FER: variants seen among roughly 807,000 people sequenced by gnomAD.
The protein encoded by FER is FER tyrosine kinase.
In FER, 63 loss-of-function variants were observed where a neutral mutation model predicts 111.0. That is an observed-to-expected ratio of 0.57 (90% CI 0.46 to 0.70). FER has a LOEUF of 0.70. Ranked by LOEUF, FER falls within the 30% of genes least tolerant of loss-of-function variation. The probability of loss-of-function intolerance (pLI) is 0.00; values close to 1 mark genes in which losing one functional copy is unlikely to be tolerated. For synonymous variants in FER, 327 were observed against 313.9 expected (o/e 1.04, Z -0.44); for missense variants, 914 against 954.0 (o/e 0.96, Z 0.55).
At position 109,073,441 on chromosome 5, in the gene FER, G is replaced by A. The variant is rs976809574; in HGVS notation, c.1924+26243G>A. Among the ~76,000 whole-genome samples, 3 of 152,218 alleles carry A rather than the reference G, an allele frequency of 2.0e-5. No homozygotes were observed. In the South Asian group the frequency reaches 6.2e-4, roughly 32 times the overall value. On this transcript the variant is annotated intron_variant, in intron 16 of 19. Coordinates refer to ENST00000281092, the MANE Select transcript of FER (RefSeq NM_005246.4). Reference sequence around the variant, plus strand: ...TATTTAAGGATAATATGAGCTCTGAGGCTAGTGTTAGGCTGTGAATCATTT... The same window carrying A: ...TATTTAAGGATAATATGAGCTCTGAAGCTAGTGTTAGGCTGTGAATCATTT...
At chr5:108,770,335 A>G (rs929574505) in intron 2 of FER, among the ~76,000 whole-genome samples, 3 of 152,194 alleles carry the variant, frequency 2.0e-5, no homozygotes, top group Non-Finnish European at 4.4e-5. Context: ...ATACTTTTAT[A>G]CTGAGTTTTA....
At chr5:108,788,198 G>A (rs185308880) in intron 2 of FER, among the ~76,000 whole-genome samples, 3 of 152,294 alleles carry the variant, frequency 2.0e-5, no homozygotes, top group East Asian at 3.9e-4. Flanking sequence ...CTGAAGCTAC[G>A]TGTTGTATGT....
intron 2 of FER, among the ~76,000 whole-genome samples, chr5:108,783,050 T>A (rs1580495810): frequency 1.3e-5 from 2 of 152,360 alleles, no homozygotes; most frequent in Middle Eastern, 3.4e-3. Flanking sequence ...CTTTGAATTA[T>A]CTTTCAGTCT....
intron 10 of FER, among the ~76,000 whole-genome samples, chr5:108,926,989 T>C (rs894770715): frequency 6.6e-6 from 1 of 152,150 alleles, no homozygotes; most frequent in African/African-American, 2.4e-5. Context: ...GACATAGTTT[T>C]CTGGTAAGCC....
intron 16 of FER, among the ~76,000 whole-genome samples, chr5:109,070,587 G>C (rs899784605): frequency 6.6e-6 from 1 of 151,644 alleles, no homozygotes; most frequent in Non-Finnish European, 1.5e-5. Context: ...TGCATTGAGA[G>C]GTTAAGTGAA....
intron 15 of FER, among the ~76,000 whole-genome samples, chr5:109,046,346 A>AT (rs1036740342): frequency 1.3e-5 from 2 of 149,828 alleles, no homozygotes; most frequent in Non-Finnish European, 3.0e-5. Flanking sequence ...TGTGTTAAAA[A>AT]ATATATATAT....
intron 5 of FER, among the ~76,000 whole-genome samples, chr5:108,850,887 A>G (rs1306014915): frequency 6.6e-6 from 1 of 152,192 alleles, no homozygotes; most frequent in Non-Finnish European, 1.5e-5. Flanking sequence ...TTGAAACCAA[A>G]TCTGTCTGAT....
intron 17 of FER, among the ~76,000 whole-genome samples, chr5:109,117,444 A>G (rs920498087): frequency 2.0e-5 from 3 of 152,172 alleles, no homozygotes; most frequent in Non-Finnish European, 4.4e-5. Context: ...ATAAACTCAT[A>G]TCATTCTTAT....
At chr5:108,822,717 T>A (rs1182654978) in intron 3 of FER, among the ~76,000 whole-genome samples, 121 of 115,700 alleles carry the variant, frequency 1.0e-3, no homozygotes, top group Middle Eastern at 4.4e-3. Flanking sequence ...TTATTTATTT[T>A]ATTTTATTTT....
At chr5:108,764,652 C>T (rs1752118486) in intron 1 of FER, among the ~76,000 whole-genome samples, 1 of 152,192 alleles carries the variant, frequency 6.6e-6, no homozygotes, top group South Asian at 2.1e-4. Context: ...CCACCTTGAC[C>T]TCCCAAAGTG....
intron 11 of FER, among the ~76,000 whole-genome samples, chr5:108,950,953 G>A (rs942442075): frequency 1.0e-4 from 15 of 148,856 alleles, no homozygotes; most frequent in Admixed American, 6.0e-4. Context: ...AAAATAAAAG[G>A]GGTCCTATGG....
chr5:109,029,565 GT>G (rs1226988357), intron 13 of FER, among the ~76,000 whole-genome samples: 7 of 149,784 alleles, frequency 4.7e-5, no homozygotes, highest in Non-Finnish European at 8.9e-5. Flanking sequence ...GCCCAGCCTT[GT>G]TTTCCATTCA....
At chr5:108,849,871 G>A (rs1448815512) in intron 5 of FER, among the ~76,000 whole-genome samples, 1 of 152,082 alleles carries the variant, frequency 6.6e-6, no homozygotes, top group Non-Finnish European at 1.5e-5. Context: ...ATAAAATTTT[G>A]TTTGTGAAAT....
chr5:109,038,185 A>G (rs1770660862), intron 14 of FER, among the ~76,000 whole-genome samples: 1 of 152,050 alleles, frequency 6.6e-6, no homozygotes, highest in Non-Finnish European at 1.5e-5. Context: ...TTTATTTATA[A>G]TTGAGTTCCA....
At chr5:109,033,310 G>A (rs1400198749) in intron 13 of FER, among the ~76,000 whole-genome samples, 1 of 152,136 alleles carries the variant, frequency 6.6e-6, no homozygotes, top group Non-Finnish European at 1.5e-5. Flanking sequence ...GAAATATGTA[G>A]TATAATCACT....
chr5:108,871,746 A>G (rs562306485), intron 7 of FER, among the ~76,000 whole-genome samples: 85 of 151,610 alleles, frequency 5.6e-4, no homozygotes, highest in African/African-American at 1.9e-3. Context: ...GCTTAAATCC[A>G]TATTTAATCC....
chr5:108,965,918 T>C (rs1053871564), intron 13 of FER, among the ~76,000 whole-genome samples: 20 of 152,190 alleles, frequency 1.3e-4, no homozygotes, highest in African/African-American at 4.6e-4. Flanking sequence ...TAAATTAAGA[T>C]TGGACTTTAG....
At chr5:109,002,430 C>G (rs1481882611) in intron 13 of FER, among the ~76,000 whole-genome samples, 6 of 151,618 alleles carry the variant, frequency 4.0e-5, no homozygotes, top group Admixed American at 1.3e-4. Flanking sequence ...ATGTAGAAAG[C>G]TGAAACTGGA....
At chr5:108,787,986 C>T (rs942018834) in intron 2 of FER, among the ~76,000 whole-genome samples, 3 of 152,196 alleles carry the variant, frequency 2.0e-5, no homozygotes, top group African/African-American at 4.8e-5. Flanking sequence ...AGCTGTAACA[C>T]GAGCACAGTA....
Sources: gnomAD v4.1 joint callset for allele counts (sites outside exome capture counted in the v4.1 genomes callset) on GRCh38, gnomAD v4.1.1 for gene constraint, MANE v1.5 for transcripts, NCBI Gene and HGNC (gene_info 2026-07-23, HGNC 2026-07-21) for gene names.